MAP3K20: variants seen among roughly 807,000 people sequenced by gnomAD.
The protein encoded by MAP3K20 is mitogen-activated protein kinase kinase kinase 20.
A neutral mutation model predicts 85.7 loss-of-function variants in MAP3K20; 40 were observed. That is an observed-to-expected ratio of 0.47 (90% CI 0.36 to 0.61). MAP3K20 has a LOEUF of 0.61. Ranked by LOEUF, MAP3K20 falls within the 20% of genes least tolerant of loss-of-function variation. The pLI, the probability that MAP3K20 is intolerant of heterozygous loss-of-function variation, is 0.00. For synonymous variants in MAP3K20, 325 were observed against 327.7 expected, an observed-to-expected ratio of 0.99 and a Z score of 0.09; for missense variants, 817 against 961.7, an observed-to-expected ratio of 0.85 and a Z score of 1.99.
chr2:173,167,838 T>C (rs1689879952), intron 2 of MAP3K20, among the ~76,000 whole-genome samples: 1 of 152,162 alleles, frequency 6.6e-6, no homozygotes, highest in African/African-American at 2.4e-5. Flanking sequence ...CTTGTATTTA[T>C]TCTTTATTGA....
intron 14 of MAP3K20, among the ~76,000 whole-genome samples, chr2:173,235,959 G>C (rs1326255617): frequency 6.6e-6 from 1 of 152,060 alleles, no homozygotes; most frequent in African/African-American, 2.4e-5. Flanking sequence ...CTTTAAGATA[G>C]AATCGGTGGT....
At chr2:173,230,452 T>C (rs945064656) in intron 12 of MAP3K20, among the ~76,000 whole-genome samples, 1 of 152,156 alleles carries the variant, frequency 6.6e-6, no homozygotes, top group African/African-American at 2.4e-5. Context: ...TGTTTGAAAG[T>C]GAGGCATCAT....
At chr2:173,238,674 C>T (rs1404759560) in intron 15 of MAP3K20, among the ~76,000 whole-genome samples, 1 of 152,166 alleles carries the variant, frequency 6.6e-6, no homozygotes, top group Non-Finnish European at 1.5e-5. Flanking sequence ...ACTTTAGTGG[C>T]TAGGAGTTGT....
At chr2:173,100,307 T>C (rs1687601077) in intron 2 of MAP3K20, among the ~76,000 whole-genome samples, 2 of 152,210 alleles carry the variant, frequency 1.3e-5, no homozygotes, top group Non-Finnish European at 2.9e-5. Context: ...ACAGTCACTT[T>C]ATAAGATTAT....
At chr2:173,217,600 T>C (rs1025974926) in intron 11 of MAP3K20, among the ~76,000 whole-genome samples, 1 of 152,210 alleles carries the variant, frequency 6.6e-6, no homozygotes, top group African/African-American at 2.4e-5. Context: ...ATTAACTCCT[T>C]CTAGTCACTC....
intron 2 of MAP3K20, among the ~76,000 whole-genome samples, chr2:173,094,904 A>G (rs946818906): frequency 6.6e-6 from 1 of 152,164 alleles, no homozygotes; most frequent in African/African-American, 2.4e-5. Context: ...GATACTTTGA[A>G]GCTAAGTAAA....
intron 14 of MAP3K20, 112 bp downstream of exon 14, chr2:173,232,571 T>G: frequency 2.0e-6 from 3 of 1,485,094 alleles, no homozygotes; most frequent in Non-Finnish European, 2.7e-6. Context: ...AGGCACAATC[T>G]TGGCTCGTTG....
Position 173,134,415 on chromosome 2 carries a change from TATATA to T in MAP3K20, c.160-35389_160-35385del, listed in dbSNP as rs1455277018. 7.1e-3 allele frequency among the ~76,000 whole-genome samples: 117 copies of T among 16,400 alleles called. 3 individuals are homozygous for T. The highest frequency in any genetic ancestry group is 0.021 in the African/African-American group (99 of 4,646). The allele number at this position is 16,400 out of a possible 152,430, so 10.8% of individuals were successfully genotyped here. On this transcript the variant is annotated intron_variant, in intron 2 of 19. Transcript: ENST00000375213. ...ATACATATATATATATATATATATA[TATATA>T]TATATATATTTTTTTTTTTTTTTTT...
At chr2:173,075,805 C>A (rs1686829735), upstream of MAP3K20, 4 of 985,472 alleles carry the variant, frequency 4.1e-6, no homozygotes, top group Non-Finnish European at 4.8e-6. Context: ...CCAGCCGTTT[C>A]GCGCCGGGAG....
At chr2:173,165,035 C>T (rs1477852282) in intron 2 of MAP3K20, among the ~76,000 whole-genome samples, 2 of 152,110 alleles carry the variant, frequency 1.3e-5, no homozygotes, top group African/African-American at 4.8e-5. Flanking sequence ...TCTGTAGAGA[C>T]ATTTTGGTAC....
chr2:173,226,412 A>G (rs919986269), intron 11 of MAP3K20: 23 of 985,486 alleles, frequency 2.3e-5, no homozygotes, highest in Non-Finnish European at 2.8e-5. Flanking sequence ...ATAACAGAGC[A>G]TAAATTTTCT....
intron 1 of MAP3K20, among the ~76,000 whole-genome samples, chr2:173,076,884 C>T (rs918999402): frequency 2.6e-5 from 4 of 152,260 alleles, no homozygotes; most frequent in Non-Finnish European, 5.9e-5. Context: ...TTTCAGAAAA[C>T]TTTAATTCAG....
chr2:173,263,591 T>C (rs1313336797), intron 18 of MAP3K20, among the ~76,000 whole-genome samples, 154 bp from the exon 19 acceptor site: 1 of 152,342 alleles, frequency 6.6e-6, no homozygotes, highest in East Asian at 1.9e-4. Context: ...TTCAGAATAT[T>C]TTCCTAGTGC....
chr2:173,090,748 G>C (rs1559226501), intron 1 of MAP3K20: 1 of 1,083,400 alleles, frequency 9.2e-7, no homozygotes, highest in Admixed American at 5.1e-5. Context: ...TTTTGTCTGG[G>C]GGATATCTGA....
At chr2:173,087,963 G>A (rs1388845927) in intron 1 of MAP3K20, among the ~76,000 whole-genome samples, 1 of 152,154 alleles carries the variant, frequency 6.6e-6, no homozygotes, top group Non-Finnish European at 1.5e-5. Context: ...GTAGCCAACA[G>A]GAGTCCCAGT....
chr2:173,076,997 A>C (rs536332921), intron 1 of MAP3K20, among the ~76,000 whole-genome samples: 1 of 152,244 alleles, frequency 6.6e-6, no homozygotes, highest in African/African-American at 2.4e-5. Flanking sequence ...GAGATCGCGC[A>C]TAAGTACTGT....
chr2:173,212,870 A>G (rs533854654), intron 10 of MAP3K20: 2 of 152,120 alleles, frequency 1.3e-5, no homozygotes, highest in South Asian at 4.2e-4. Flanking sequence ...TCAGCAAAAC[A>G]TCACTGAAAA....
At chr2:173,243,103 A>G (rs1217695754) in intron 16 of MAP3K20, among the ~76,000 whole-genome samples, 1 of 152,228 alleles carries the variant, frequency 6.6e-6, no homozygotes, top group Non-Finnish European at 1.5e-5. Context: ...ACAAAATCAA[A>G]AAGTACAATC....
At chr2:173,208,927 A>G (rs1683782665) in intron 9 of MAP3K20, among the ~76,000 whole-genome samples, 1 of 152,236 alleles carries the variant, frequency 6.6e-6, no homozygotes, top group African/African-American at 2.4e-5. Flanking sequence ...GAGATAGACT[A>G]GAATAGTTAC....
Sources: gnomAD v4.1 joint callset for allele counts (sites outside exome capture counted in the v4.1 genomes callset) on GRCh38, gnomAD v4.1.1 for gene constraint, MANE v1.5 for transcripts, NCBI Gene and HGNC (gene_info 2026-07-23, HGNC 2026-07-21) for gene names.